The following HMCN1 variants were observed in gnomAD, a reference collection of about 807,000 sequenced individuals.
HMCN1 encodes hemicentin-1.
A neutral mutation model predicts 625.9 loss-of-function variants in HMCN1; 321 were observed. The observed-to-expected ratio is 0.51, with a 90% CI of 0.47 to 0.56. HMCN1 has a LOEUF of 0.56. Ranked by LOEUF, HMCN1 falls within the 20% of genes least tolerant of loss-of-function variation. HMCN1 has a pLI of 0.00. For synonymous variants in HMCN1, 2,425 were observed against 2,417.6 expected (o/e 1.00, Z -0.09); for missense variants, 6,588 against 6,887.3 (o/e 0.96, Z 1.54).
intron 11 of HMCN1, among the ~76,000 whole-genome samples, chr1:185,942,624 G>A (rs1360822313): frequency 1.1e-4 from 16 of 152,080 alleles, no homozygotes; most frequent in African/African-American, 1.7e-4. Flanking sequence ...AATTTACAGC[G>A]CTTCTAAATG....
Position 185,822,060 on chromosome 1 carries a change from G to A in HMCN1, c.269-23966G>A, listed in dbSNP as rs114151167. On this transcript the variant is annotated intron_variant, in intron 1 of 106. Transcript: ENST00000271588. The stretch of plus-strand genomic sequence containing the variant: ...ATCAGTGGTTGCCAGGGTTTGAGAG[G>A]AATGAACAGGTGGAGCACAGAGGAT... Among the ~76,000 whole-genome samples, 578 of 152,134 alleles carry A rather than the reference G, an allele frequency of 3.8e-3. 2 individuals carry two copies. Among genetic ancestry groups the A allele is most frequent in the Non-Finnish European group, 4.7e-3 (322 of 67,988 alleles).
intron 21 of HMCN1, among the ~76,000 whole-genome samples, chr1:185,990,038 C>T (rs1329225433): frequency 6.6e-6 from 1 of 152,120 alleles, no homozygotes; most frequent in East Asian, 1.9e-4. Flanking sequence ...TCTGAGAGGG[C>T]ATTGCAGCTG....
At chr1:185,993,097 A>G (rs994268093) in intron 22 of HMCN1, 85 bp from the exon 23 acceptor site, 2 of 1,317,380 alleles carry the variant, frequency 1.5e-6, no homozygotes, top group African/African-American at 1.4e-5. Flanking sequence ...CTTGCAGAGT[A>G]GTAATTTCAT....
At chr1:185,832,100 A>T (rs12057982) in intron 1 of HMCN1, among the ~76,000 whole-genome samples, 1 of 151,930 alleles carries the variant, frequency 6.6e-6, no homozygotes. Flanking sequence ...GTTCGAGACC[A>T]GCCTGGCCAA....
intron 35 of HMCN1, among the ~76,000 whole-genome samples, chr1:186,021,787 T>C (rs763258834): frequency 6.6e-6 from 1 of 151,980 alleles, no homozygotes; most frequent in Non-Finnish European, 1.5e-5. Flanking sequence ...TGATGGGAAA[T>C]TGGTTAAAGG....
chr1:185,846,120 T>C (rs1385081968), intron 2 of HMCN1, 24 bp downstream of exon 2: 1 of 1,525,384 alleles, frequency 6.6e-7, no homozygotes, highest in East Asian at 2.3e-5. Context: ...TTCAGTGTTC[T>C]CTTGGGGGAA....
At chr1:186,066,216 C>T (rs747863768) in intron 49 of HMCN1, among the ~76,000 whole-genome samples, 3 of 152,058 alleles carry the variant, frequency 2.0e-5, no homozygotes, top group Non-Finnish European at 4.4e-5. Context: ...TAAATTGAAA[C>T]TTATAAATGT....
intron 106 of HMCN1, among the ~76,000 whole-genome samples, chr1:186,188,384 C>A (rs1251823670): frequency 1.3e-5 from 2 of 152,110 alleles, no homozygotes; most frequent in Non-Finnish European, 2.9e-5. Context: ...CACTTAGAGC[C>A]CACCATGAAG....
intron 11 of HMCN1, among the ~76,000 whole-genome samples, chr1:185,945,687 G>A (rs950094422): frequency 4.6e-5 from 7 of 152,284 alleles, no homozygotes; most frequent in Admixed American, 4.6e-4. Flanking sequence ...AAAGGTAGAA[G>A]TCTTTGCTAG....
rs1339829040 is a variant in HMCN1 at position 186,117,452 on chromosome 1, G to T, written c.11684-7G>T. 1 of 1,613,134 alleles carries T rather than the reference G, an allele frequency of 6.2e-7. No homozygotes were observed. Among genetic ancestry groups the T allele is most frequent in the Non-Finnish European group, 8.5e-7 (1 of 1,179,476 alleles). The stretch of plus-strand genomic sequence containing the variant: ...TTTTTCCCTTTTTGTTGTTGTTGTT[G>T]TTTTAGTTCCACCTTCCATAGCTGA... On this transcript the variant is annotated splice_polypyrimidine_tract_variant and splice_region_variant and intron_variant, in intron 76 of 106. Transcript: ENST00000271588.
chr1:185,763,896 A>G (rs1347744938), intron 1 of HMCN1, among the ~76,000 whole-genome samples: 8 of 152,212 alleles, frequency 5.3e-5, no homozygotes, highest in Non-Finnish European at 8.8e-5. Flanking sequence ...ATTAAATAAG[A>G]CAATCTCACA....
intron 4 of HMCN1, among the ~76,000 whole-genome samples, chr1:185,889,520 G>T (rs1316002468): frequency 5.4e-4 from 75 of 139,502 alleles, no homozygotes; most frequent in Middle Eastern, 7.1e-3. Flanking sequence ...TTAGCATGAA[G>T]GGTTGTTGAA....
intron 35 of HMCN1, 109 bp downstream of exon 35, chr1:186,019,804 A>C: frequency 2.3e-6 from 2 of 882,130 alleles, no homozygotes; most frequent in Non-Finnish European, 3.4e-6. Context: ...CAGATTTTGC[A>C]GAAAATTTAT....
intron 1 of HMCN1, among the ~76,000 whole-genome samples, chr1:185,764,194 C>T (rs927029010): frequency 6.6e-6 from 1 of 152,006 alleles, no homozygotes; most frequent in Non-Finnish European, 1.5e-5. Context: ...GAAGAGAAGC[C>T]TATGTTCTTT....
At chr1:186,041,780 C>T (rs976697348) in intron 40 of HMCN1, among the ~76,000 whole-genome samples, 2 of 151,978 alleles carry the variant, frequency 1.3e-5, no homozygotes, top group Non-Finnish European at 2.9e-5. Context: ...AGACTTTTTT[C>T]TGTGGTTTAT....
chr1:186,061,969 T>C lies in HMCN1; in HGVS notation c.7426+5T>C. ...TCTTTGGGCTTTCAGTATTAGGTAC[T>C]TATATAGTTTGCAATATCTAGAAGA... On this transcript the variant is annotated splice_donor_5th_base_variant and intron_variant, in intron 47 of 106. Transcript: ENST00000271588. 1 of 1,551,352 alleles carries C rather than the reference T, an allele frequency of 6.4e-7. No individual in the cohort carries two copies. Among genetic ancestry groups the C allele is most frequent in the Non-Finnish European group, 8.9e-7 (1 of 1,124,032 alleles).
At chr1:185,853,755 G>C (rs184699857) in intron 2 of HMCN1, among the ~76,000 whole-genome samples, 52 of 152,276 alleles carry the variant, frequency 3.4e-4, no homozygotes, top group African/African-American at 1.2e-3. Context: ...AATATTGAAG[G>C]CTATTTTGAC....
chr1:185,873,842 C>T (rs1436484460), intron 4 of HMCN1, among the ~76,000 whole-genome samples: 1 of 151,946 alleles, frequency 6.6e-6, no homozygotes, highest in African/African-American at 2.4e-5. Context: ...AGGTAATTGG[C>T]TGTTGTTAAT....
chr1:185,892,429 C>A (rs1665166741), intron 4 of HMCN1, among the ~76,000 whole-genome samples: 1 of 151,744 alleles, frequency 6.6e-6, no homozygotes, highest in African/African-American at 2.4e-5. Flanking sequence ...GTTTTTTCCC[C>A]ATCTTTGTGG....
Sources: gnomAD v4.1 joint callset for allele counts (sites outside exome capture counted in the v4.1 genomes callset) on GRCh38, gnomAD v4.1.1 for gene constraint, MANE v1.5 for transcripts, NCBI Gene and HGNC (gene_info 2026-07-23, HGNC 2026-07-21) for gene names.